Variants in ZRANB3 observed in about 807,000 individuals in gnomAD.
The protein encoded by ZRANB3 is DNA annealing helicase and endonuclease ZRANB3.
A neutral mutation model predicts 133.8 loss-of-function variants in ZRANB3; 125 were observed. That is an observed-to-expected ratio of 0.93 (90% CI 0.81 to 1.08). The LOEUF (loss-of-function observed/expected upper bound fraction) is 1.08. Ranked by LOEUF, ZRANB3 falls within the 50% of genes least tolerant of loss-of-function variation. ZRANB3 has a pLI of 0.00. For missense variants in ZRANB3, 1,229 were observed against 1,275.5 expected, an observed-to-expected ratio of 0.96 and a Z score of 0.56; for synonymous variants, 387 against 432.7, an observed-to-expected ratio of 0.89 and a Z score of 1.31.
At chr2:135,394,448 A>C (rs1016445487) in intron 2 of ZRANB3, among the ~76,000 whole-genome samples, 2 of 152,156 alleles carry the variant, frequency 1.3e-5, no homozygotes, top group Non-Finnish European at 2.9e-5. Flanking sequence ...CAAAAATCTG[A>C]ATATGCAAAA....
chr2:135,300,987 C>T (rs565513478), intron 8 of ZRANB3, among the ~76,000 whole-genome samples: 4 of 152,138 alleles, frequency 2.6e-5, no homozygotes, highest in Admixed American at 1.3e-4. Context: ...GACCTCCAGC[C>T]TAGTCTCAGT....
chr2:135,449,008 T>C (rs1378346412), intron 2 of ZRANB3, among the ~76,000 whole-genome samples: 1 of 152,210 alleles, frequency 6.6e-6, no homozygotes, highest in Non-Finnish European at 1.5e-5. Flanking sequence ...TAGTACATTG[T>C]AATACTAGGT....
intron 8 of ZRANB3, among the ~76,000 whole-genome samples, chr2:135,311,168 T>C (rs1682950384): frequency 6.6e-6 from 1 of 152,066 alleles, no homozygotes; most frequent in South Asian, 2.1e-4. Flanking sequence ...TATGAACAGA[T>C]ACTTCACAAA....
At chr2:135,503,826 G>A (rs561851560) in intron 2 of ZRANB3, among the ~76,000 whole-genome samples, 7 of 152,000 alleles carry the variant, frequency 4.6e-5, no homozygotes, top group Middle Eastern at 3.4e-3. Flanking sequence ...AAAATTACCC[G>A]GGTGTGGTGG....
At chr2:135,312,946 G>A (rs1190206353) in intron 8 of ZRANB3, among the ~76,000 whole-genome samples, 1 of 151,544 alleles carries the variant, frequency 6.6e-6, no homozygotes, top group African/African-American at 2.4e-5. Context: ...CTTGAACCCA[G>A]GAGGTGGAGG....
intron 12 of ZRANB3, among the ~76,000 whole-genome samples, chr2:135,255,758 G>A (rs115953101): frequency 5.7e-4 from 87 of 152,092 alleles, no homozygotes; most frequent in Non-Finnish European, 8.8e-4. Flanking sequence ...GAGGCAGGGG[G>A]ATCACTGGAC....
intron 2 of ZRANB3, among the ~76,000 whole-genome samples, chr2:135,434,023 G>A (rs1372764823): frequency 6.6e-6 from 1 of 151,916 alleles, no homozygotes; most frequent in Non-Finnish European, 1.5e-5. Flanking sequence ...TTAGCCAGTT[G>A]TGGTGGTAGA....
chr2:135,286,996 A>C (rs1038901224), intron 8 of ZRANB3, among the ~76,000 whole-genome samples: 20 of 152,192 alleles, frequency 1.3e-4, no homozygotes, highest in African/African-American at 4.6e-4. Context: ...CTCTTTGCCT[A>C]GGCCAATATC....
chr2:135,242,500 G>A (rs184587248), intron 12 of ZRANB3, among the ~76,000 whole-genome samples: 4 of 151,748 alleles, frequency 2.6e-5, no homozygotes, highest in East Asian at 3.9e-4. Flanking sequence ...TGTTACCCAG[G>A]GGGGGCTCAA....
intron 5 of ZRANB3, among the ~76,000 whole-genome samples, chr2:135,346,850 T>C (rs1558933426): frequency 6.6e-6 from 1 of 152,350 alleles, no homozygotes; most frequent in East Asian, 1.9e-4. Flanking sequence ...TGGCTTTCAA[T>C]AGATTCACAT....
At chr2:135,388,982 G>A (rs1178758569) in intron 3 of ZRANB3, among the ~76,000 whole-genome samples, 1 of 152,170 alleles carries the variant, frequency 6.6e-6, no homozygotes, top group African/African-American at 2.4e-5. Flanking sequence ...GGAGGCTGAG[G>A]CAGGAGAATG....
chr2:135,529,889 G>A (rs907488860), intron 1 of ZRANB3, among the ~76,000 whole-genome samples: 15 of 151,290 alleles, frequency 9.9e-5, no homozygotes, highest in Non-Finnish European at 1.9e-4. Context: ...CCTTCAAACA[G>A]AAAAGCCCTT....
At chr2:135,501,928 T>A (rs1692966881) in intron 2 of ZRANB3, among the ~76,000 whole-genome samples, 1 of 152,118 alleles carries the variant, frequency 6.6e-6, no homozygotes, top group African/African-American at 2.4e-5. Flanking sequence ...AAATAAGTCA[T>A]CTGTAAGGTG....
At chr2:135,259,023 T>C (rs1679808616) in intron 12 of ZRANB3, among the ~76,000 whole-genome samples, 1 of 152,184 alleles carries the variant, frequency 6.6e-6, no homozygotes, top group Non-Finnish European at 1.5e-5. Flanking sequence ...CTTTTTGAAT[T>C]TTGAGAACTT....
chr2:135,398,543 G>A (rs371498104), intron 2 of ZRANB3, among the ~76,000 whole-genome samples: 13 of 88,620 alleles, frequency 1.5e-4, no homozygotes, highest in Non-Finnish European at 2.2e-4. Context: ...TTTTGAGATG[G>A]AGTCTTGCTC....
intron 6 of ZRANB3, among the ~76,000 whole-genome samples, chr2:135,326,495 C>T (rs979306073): frequency 4.0e-5 from 6 of 151,688 alleles, no homozygotes; most frequent in Non-Finnish European, 7.4e-5. Flanking sequence ...CTTTTAGTTC[C>T]GGGATACATG....
chr2:135,392,517 A>T (rs952856737), intron 2 of ZRANB3, among the ~76,000 whole-genome samples: 1 of 152,182 alleles, frequency 6.6e-6, no homozygotes, highest in African/African-American at 2.4e-5. Flanking sequence ...TGGGAAGCCG[A>T]GGTGACTGGA....
At chr2:135,486,668 C>T (rs576303896) in intron 2 of ZRANB3, among the ~76,000 whole-genome samples, 2 of 152,314 alleles carry the variant, frequency 1.3e-5, no homozygotes, top group Admixed American at 1.3e-4. Context: ...TGGTTGCCAG[C>T]ATGCCTGGCT....
At chr2:135,390,130 C>T (rs1395833494) in intron 3 of ZRANB3, among the ~76,000 whole-genome samples, 1 of 152,058 alleles carries the variant, frequency 6.6e-6, no homozygotes, top group African/African-American at 2.4e-5. Context: ...CCACCTGCCT[C>T]GGCCTCCCAA....
Sources: allele counts gnomAD v4.1 joint callset (sites outside exome capture counted in the v4.1 genomes callset), GRCh38; gene constraint gnomAD v4.1.1; transcripts MANE v1.5; gene names NCBI Gene and HGNC (gene_info 2026-07-23, HGNC 2026-07-21).